ITPR2: variants seen among roughly 807,000 people sequenced by gnomAD.
ITPR2 encodes inositol 1,4,5-trisphosphate-gated calcium channel ITPR2.
In ITPR2, 207 loss-of-function variants were observed where a neutral mutation model predicts 317.1. That is an observed-to-expected ratio of 0.65 (90% CI 0.58 to 0.73). The LOEUF is 0.73. Ranked by LOEUF, ITPR2 falls within the 30% of genes least tolerant of loss-of-function variation. The probability of loss-of-function intolerance (pLI) is 0.00; values close to 1 mark genes in which losing one functional copy is unlikely to be tolerated. For missense variants in ITPR2, 2,613 were observed against 3,284.0 expected (o/e 0.80, Z 4.99); for synonymous variants, 1,156 against 1,149.1 (o/e 1.01, Z -0.12).
At chr12:26,804,869 A>G (rs1376230209) in intron 1 of ITPR2, among the ~76,000 whole-genome samples, 2 of 151,992 alleles carry the variant, frequency 1.3e-5, no homozygotes, top group Non-Finnish European at 2.9e-5. Context: ...CTATCAGTTG[A>G]GACTACAGGC....
chr12:26,511,518 A>G (rs897888623), intron 37 of ITPR2, among the ~76,000 whole-genome samples: 7 of 152,352 alleles, frequency 4.6e-5, no homozygotes, highest in Admixed American at 2.6e-4. Flanking sequence ...CAGACATTCA[A>G]TAACTTTTTT....
chr12:26,514,929 G>T (rs1253082783), intron 37 of ITPR2, among the ~76,000 whole-genome samples: 2 of 152,132 alleles, frequency 1.3e-5, no homozygotes, highest in Non-Finnish European at 2.9e-5. Flanking sequence ...AAAAGACCAA[G>T]AAATCAGCCT....
intron 2 of ITPR2, among the ~76,000 whole-genome samples, chr12:26,776,044 A>C (rs1397904555): frequency 6.6e-6 from 1 of 151,344 alleles, no homozygotes; most frequent in East Asian, 1.9e-4. Context: ...AATATTAAGG[A>C]TGGAGTTCTT....
In ITPR2 at chr12:26,419,034, T is replaced by C. The variant is rs1203027513; in HGVS notation, c.7110+15A>G. On this transcript the variant is annotated intron_variant, in intron 50 of 56. Transcript: ENST00000381340. ...ACTTTTTCAGCAGTGATTGTCCACA[T>C]AGAGATGTACTCACCAGGAAGCTAT... 4.4e-6 allele frequency: 7 copies of C among 1,604,862 alleles called. No individual in the cohort carries two copies. The highest frequency in any genetic ancestry group is 5.1e-6 in the Non-Finnish European group (6 of 1,175,474).
chr12:26,620,013 C>T (rs1319953734), intron 26 of ITPR2, among the ~76,000 whole-genome samples: 1 of 152,180 alleles, frequency 6.6e-6, no homozygotes, highest in Non-Finnish European at 1.5e-5. Flanking sequence ...TAATAACCTA[C>T]ACATTGTCCT....
At chr12:26,448,356 G>C (rs1941660575) in intron 45 of ITPR2, among the ~76,000 whole-genome samples, 1 of 150,548 alleles carries the variant, frequency 6.6e-6, no homozygotes, top group Non-Finnish European at 1.5e-5. Flanking sequence ...AATGTTAAAA[G>C]GGGGAAATGC....
At chr12:26,484,012 C>T in intron 41 of ITPR2, 114 bp from the exon 42 acceptor site, 1 of 902,624 alleles carries the variant, frequency 1.1e-6, no homozygotes, top group East Asian at 2.5e-5. Context: ...AAAGTATTCG[C>T]ATTTATTAAA....
intron 13 of ITPR2, among the ~76,000 whole-genome samples, chr12:26,674,744 T>A (rs1947869252): frequency 6.6e-6 from 1 of 152,052 alleles, no homozygotes; most frequent in Non-Finnish European, 1.5e-5. Context: ...GAAACTACCA[T>A]CAGAGTGAAC....
chr12:26,790,356 A>C (rs955142729), intron 1 of ITPR2, 129 bp from the exon 2 acceptor site: 23 of 674,348 alleles, frequency 3.4e-5, no homozygotes, highest in African/African-American at 2.5e-4. Context: ...ACTTTTTAAC[A>C]ATCATGGGTC....
intron 50 of ITPR2, among the ~76,000 whole-genome samples, chr12:26,418,705 C>A (rs1050850912): frequency 6.6e-6 from 1 of 151,374 alleles, no homozygotes; most frequent in African/African-American, 2.4e-5. Context: ...GAAAATATAC[C>A]CCTATTTTGT....
chr12:26,532,721 A>T (rs1336608395), intron 37 of ITPR2, among the ~76,000 whole-genome samples: 1 of 151,546 alleles, frequency 6.6e-6, no homozygotes, highest in Non-Finnish European at 1.5e-5. Flanking sequence ...GGAGTTTTCG[A>T]TGTTGCCCAG....
chr12:26,565,948 A>G (rs866054163), intron 34 of ITPR2, among the ~76,000 whole-genome samples: 4 of 8,690 alleles, frequency 4.6e-4, no homozygotes, highest in Admixed American at 1.7e-3. Context: ...GGAGGAGAGG[A>G]GAGGGGAGGA....
intron 39 of ITPR2, among the ~76,000 whole-genome samples, chr12:26,491,025 T>C (rs1474562042): frequency 1.3e-5 from 2 of 152,040 alleles, no homozygotes; most frequent in Non-Finnish European, 2.9e-5. Flanking sequence ...AAGAGCTAAG[T>C]GTAGCTGATG....
chr12:26,457,410 G>T (rs945184921), intron 45 of ITPR2, among the ~76,000 whole-genome samples: 23 of 152,194 alleles, frequency 1.5e-4, no homozygotes, highest in Admixed American at 2.0e-4. Flanking sequence ...TGGGAGACTT[G>T]TGAAGCCAAC....
At chr12:26,547,534 A>G (rs1485154782) in intron 37 of ITPR2, among the ~76,000 whole-genome samples, 1 of 152,280 alleles carries the variant, frequency 6.6e-6, no homozygotes, top group Non-Finnish European at 1.5e-5. Flanking sequence ...CATTGGATTC[A>G]GCAATCCCAC....
At chr12:26,733,709 AT>A (rs1949066344) in intron 2 of ITPR2, among the ~76,000 whole-genome samples, 1 of 152,200 alleles carries the variant, frequency 6.6e-6, no homozygotes, top group Non-Finnish European at 1.5e-5. Flanking sequence ...GCTAATTTGT[AT>A]TCTTGTCAAG....
At chr12:26,714,204 G>A (rs73292362) in intron 8 of ITPR2, among the ~76,000 whole-genome samples, 9,668 of 152,118 alleles carry the variant, frequency 0.064, 743 homozygotes, top group African/African-American at 0.19. Context: ...TCTGCATCTC[G>A]TCGGTAATTT....
At chr12:26,411,117 T>C (rs745618259) in intron 52 of ITPR2, 6 of 520,056 alleles carry the variant, frequency 1.2e-5, no homozygotes, top group South Asian at 1.1e-4. Flanking sequence ...ATAGAAACAA[T>C]ATAACGAACA....
At chr12:26,355,795 C>A (rs1005158432) in intron 55 of ITPR2, among the ~76,000 whole-genome samples, 2 of 152,298 alleles carry the variant, frequency 1.3e-5, no homozygotes, top group Admixed American at 6.5e-5. Context: ...AATCCACTGC[C>A]AACAGGCTGG....
Sources: allele counts gnomAD v4.1 joint callset (sites outside exome capture counted in the v4.1 genomes callset), GRCh38; gene constraint gnomAD v4.1.1; transcripts MANE v1.5; gene names NCBI Gene and HGNC (gene_info 2026-07-23, HGNC 2026-07-21).